The following NEDD4L variants were observed in gnomAD, a reference collection of about 807,000 sequenced individuals.
The protein encoded by NEDD4L is NEDD4 like E3 ubiquitin protein ligase, also known as E3 ubiquitin-protein ligase NEDD4-like.
NEDD4L carries 54 observed loss-of-function variants against 148.9 expected under a neutral mutation model. The observed-to-expected ratio is 0.36, with a 90% CI of 0.29 to 0.45. The LOEUF (loss-of-function observed/expected upper bound fraction) is 0.45, where lower values mean the gene tolerates loss of function less well. Ranked by LOEUF, NEDD4L falls within the 20% of genes least tolerant of loss-of-function variation. The pLI, the probability that NEDD4L is intolerant of heterozygous loss-of-function variation, is 1.00. For missense variants in NEDD4L, 856 were observed against 1,233.8 expected (o/e 0.69, Z 4.59); for synonymous variants, 433 against 440.7 (o/e 0.98, Z 0.22).
chr18:58,230,068 A>G lies in NEDD4L; in HGVS notation c.123-15359A>G, dbSNP rs138732041. Among the ~76,000 whole-genome samples the G allele has an allele frequency of 7.7e-3, 1,167 of 152,328 alleles. 5 individuals carry two copies. Among genetic ancestry groups the G allele is most frequent in the Non-Finnish European group, 0.01 (711 of 68,024 alleles). On this transcript the variant is annotated intron_variant, in intron 2 of 30. Coordinates refer to ENST00000400345, the MANE Select transcript of NEDD4L (RefSeq NM_001144967.3). ...TCAACAGCAGACATGAAAAAGCATG[A>G]AAAATGACGCTAAGAATGTAAGCAA...
intron 6 of NEDD4L, among the ~76,000 whole-genome samples, chr18:58,317,224 C>A (rs569987954): frequency 2.3e-4 from 35 of 152,336 alleles, no homozygotes; most frequent in African/African-American, 7.7e-4. Flanking sequence ...ACGGGAGGGG[C>A]CTGCCCAGGG....
At chr18:58,353,931 A>G (rs189127904) in intron 18 of NEDD4L, among the ~76,000 whole-genome samples, 2 of 152,324 alleles carry the variant, frequency 1.3e-5, no homozygotes, top group African/African-American at 4.8e-5. Flanking sequence ...TACAGATGAG[A>G]TGATGAGATG....
chr18:58,318,391 A>G (rs1479045330), intron 6 of NEDD4L, among the ~76,000 whole-genome samples: 2 of 152,194 alleles, frequency 1.3e-5, no homozygotes, highest in Admixed American at 6.5e-5. Flanking sequence ...CCCTGTCTCT[A>G]TAGAGAAACT....
At chr18:58,166,610 C>T (rs997325066) in intron 2 of NEDD4L, among the ~76,000 whole-genome samples, 16 of 152,196 alleles carry the variant, frequency 1.1e-4, no homozygotes, top group African/African-American at 3.9e-4. Flanking sequence ...GTTGACAAAG[C>T]TTGAATCCAG....
At chr18:58,376,638 A>G (rs1439332029) in intron 24 of NEDD4L, among the ~76,000 whole-genome samples, 1 of 151,268 alleles carries the variant, frequency 6.6e-6, no homozygotes, top group Non-Finnish European at 1.5e-5. Flanking sequence ...CTTCCCCACT[A>G]GACCCCCGAC....
At chr18:58,387,191 T>C (rs1162282717) in intron 26 of NEDD4L, among the ~76,000 whole-genome samples, 2 of 152,254 alleles carry the variant, frequency 1.3e-5, no homozygotes, top group Admixed American at 1.3e-4. Context: ...CAGTATCCCA[T>C]ATTTTCATCA....
chr18:58,235,855 TA>T (rs1348903539), intron 2 of NEDD4L, among the ~76,000 whole-genome samples: 1 of 152,038 alleles, frequency 6.6e-6, no homozygotes, highest in African/African-American at 2.4e-5. Flanking sequence ...AAGGATAAAA[TA>T]TAATTAAACA....
rs865942263 is a variant in NEDD4L at position 58,336,555 on chromosome 18, C to T, written c.1125+1018C>T. ...TCGCACCACTGCTCTCCACCCTGGG[C>T]GACAGAGCGAGACTCCATCTCAAAA... On this transcript the variant is annotated intron_variant, in intron 13 of 30. Transcript: ENST00000400345. Among the ~76,000 whole-genome samples, 66 of 151,072 alleles carry T rather than the reference C, an allele frequency of 4.4e-4. 1 individual carries two copies. Among genetic ancestry groups the T allele is most frequent in the Middle Eastern group, 3.4e-3 (1 of 292 alleles).
At chr18:58,045,019 C>G in intron 1 of NEDD4L, 1 of 410,708 alleles carries the variant, frequency 2.4e-6, no homozygotes, top group Non-Finnish European at 4.3e-6. Flanking sequence ...TCTTCCTCTC[C>G]AAGCAGCGTC....
intron 8 of NEDD4L, 64 bp from the exon 9 acceptor site, chr18:58,324,932 G>A: frequency 6.8e-7 from 1 of 1,470,000 alleles, no homozygotes; most frequent in South Asian, 1.3e-5. Context: ...GGCATGCTGT[G>A]ATGACCTCTT....
At chr18:58,291,777 T>A (rs1488231241) in intron 5 of NEDD4L, among the ~76,000 whole-genome samples, 3 of 152,130 alleles carry the variant, frequency 2.0e-5, no homozygotes, top group African/African-American at 7.2e-5. Context: ...AAACTGAGAT[T>A]TCCCCCCACC....
chr18:58,341,872 C>G, intron 15 of NEDD4L, 75 bp downstream of exon 15: 1 of 1,533,918 alleles, frequency 6.5e-7, no homozygotes, highest in Non-Finnish European at 8.8e-7. Context: ...TTAACTCTGC[C>G]TTCAGTTTCG....
intron 1 of NEDD4L, among the ~76,000 whole-genome samples, chr18:58,135,697 CAA>C (rs2032763483): frequency 6.6e-6 from 1 of 152,212 alleles, no homozygotes; most frequent in African/African-American, 2.4e-5. Flanking sequence ...AACACATTTG[CAA>C]AGTTTTCTTC....
In NEDD4L at chr18:58,252,285, G is replaced by T. The variant is rs767167496; in HGVS notation, c.297+231G>T. Among the ~76,000 whole-genome samples the T allele has an allele frequency of 3.9e-5, 6 of 152,306 alleles. No individual in the cohort carries two copies. The South Asian group carries it at 1.2e-3, about 32-fold the overall frequency. On this transcript the variant is annotated intron_variant, in intron 5 of 30. Coordinates refer to ENST00000400345, the MANE Select transcript of NEDD4L (RefSeq NM_001144967.3). The stretch of plus-strand genomic sequence containing the variant: ...TGTGTGTATTTTTATTGCAGTTAAT[G>T]TTAACGAAAGCCACTGGTGATAGTA...
At chr18:58,063,532 T>C (rs1359063343) in intron 1 of NEDD4L, among the ~76,000 whole-genome samples, 1 of 152,120 alleles carries the variant, frequency 6.6e-6, no homozygotes, top group Non-Finnish European at 1.5e-5. Flanking sequence ...TAATATTGCT[T>C]TTCTTGGGAA....
intron 1 of NEDD4L, among the ~76,000 whole-genome samples, chr18:58,064,917 A>G (rs1350385583): frequency 6.6e-6 from 1 of 152,184 alleles, no homozygotes; most frequent in Non-Finnish European, 1.5e-5. Flanking sequence ...CCCGGGCAAC[A>G]TAGCTTGATC....
intron 2 of NEDD4L, among the ~76,000 whole-genome samples, chr18:58,229,085 A>T (rs62094530): frequency 0.022 from 3,396 of 152,282 alleles, 52 homozygotes; most frequent in Non-Finnish European, 0.035. Context: ...TTTGCTAACC[A>T]TGGAAGAGGG....
At chr18:58,361,207 C>A (rs2145931357) in intron 19 of NEDD4L, among the ~76,000 whole-genome samples, 1 of 152,276 alleles carries the variant, frequency 6.6e-6, no homozygotes, top group East Asian at 1.9e-4. Flanking sequence ...TTTCTGCTTA[C>A]CTAGTACCTA....
intron 2 of NEDD4L, among the ~76,000 whole-genome samples, chr18:58,176,913 G>A (rs1371129329): frequency 6.6e-6 from 1 of 152,200 alleles, no homozygotes; most frequent in Non-Finnish European, 1.5e-5. Context: ...ACACATAGAT[G>A]TTTGACAAAT....
Sources: allele counts gnomAD v4.1 joint callset (sites outside exome capture counted in the v4.1 genomes callset), GRCh38; gene constraint gnomAD v4.1.1; transcripts MANE v1.5; gene names NCBI Gene and HGNC (gene_info 2026-07-23, HGNC 2026-07-21).